SLAIN2: variants seen among roughly 807,000 people sequenced by gnomAD.
SLAIN2 encodes SLAIN family member 2, also known as SLAIN motif-containing protein 2.
SLAIN2 carries 31 observed loss-of-function variants against 56.6 expected under a neutral mutation model. The observed-to-expected ratio is 0.55, with a 90% confidence interval of 0.41 to 0.74. The LOEUF (loss-of-function observed/expected upper bound fraction) is 0.74, where lower values mean the gene tolerates loss of function less well. SLAIN2 is among the 30% of genes least tolerant of loss of function. SLAIN2 has a pLI of 0.00. For synonymous variants in SLAIN2, 317 were observed against 284.9 expected (o/e 1.11, Z -1.13); for missense variants, 777 against 754.2 (o/e 1.03, Z -0.35).
chr4:48,398,166 A>G (rs554819127), intron 6 of SLAIN2, among the ~76,000 whole-genome samples: 7 of 151,880 alleles, frequency 4.6e-5, no homozygotes, highest in Non-Finnish European at 1.0e-4. Flanking sequence ...CTCGCCAGCC[A>G]GCATCTGTTG....
At chr4:48,394,328 T>C (rs1199058601) in intron 6 of SLAIN2, among the ~76,000 whole-genome samples, 1 of 152,214 alleles carries the variant, frequency 6.6e-6, no homozygotes, top group Non-Finnish European at 1.5e-5. Flanking sequence ...AATAGACATA[T>C]TGGAGATTTT....
chr4:48,354,486 A>G (rs1240770438), intron 1 of SLAIN2, among the ~76,000 whole-genome samples: 2 of 151,604 alleles, frequency 1.3e-5, no homozygotes, highest in African/African-American at 4.9e-5. Context: ...TTCCCCCCTC[A>G]GGCTGAGTCT....
intron 6 of SLAIN2, among the ~76,000 whole-genome samples, chr4:48,386,294 C>T (rs775525862): frequency 1.3e-5 from 2 of 152,086 alleles, no homozygotes; most frequent in Non-Finnish European, 2.9e-5. Context: ...CCACATTTTA[C>T]AGATTAGAAA....
chr4:48,413,395 T>A (rs1716916344), intron 6 of SLAIN2, among the ~76,000 whole-genome samples: 1 of 152,192 alleles, frequency 6.6e-6, no homozygotes, highest in South Asian at 2.1e-4. Flanking sequence ...TAATTTCCCT[T>A]ATCCATGAAG....
chr4:48,400,252 A>T (rs1252433969), intron 6 of SLAIN2, among the ~76,000 whole-genome samples: 2 of 152,016 alleles, frequency 1.3e-5, no homozygotes, highest in African/African-American at 4.8e-5. Flanking sequence ...GTGTCCAGGA[A>T]TTTATCTATT....
intron 2 of SLAIN2, among the ~76,000 whole-genome samples, chr4:48,371,035 A>G (rs1306635229): frequency 1.3e-5 from 2 of 152,014 alleles, no homozygotes; most frequent in African/African-American, 4.8e-5. Context: ...AATCTGGGTC[A>G]GTTTTGACAC....
chr4:48,391,943 T>G (rs1264741038), intron 6 of SLAIN2, among the ~76,000 whole-genome samples: 1 of 152,230 alleles, frequency 6.6e-6, no homozygotes, highest in African/African-American at 2.4e-5. Flanking sequence ...GCATCTTTGC[T>G]TCTCACAGTA....
intron 6 of SLAIN2, among the ~76,000 whole-genome samples, chr4:48,407,026 A>G (rs1278912853): frequency 6.6e-6 from 1 of 152,094 alleles, no homozygotes; most frequent in Non-Finnish European, 1.5e-5. Flanking sequence ...CTTTCATTAT[A>G]GAGTAGCAAA....
At chr4:48,381,333 G>A (rs1328648401) in intron 4 of SLAIN2, among the ~76,000 whole-genome samples, 1 of 151,972 alleles carries the variant, frequency 6.6e-6, no homozygotes, top group African/African-American at 2.4e-5. Context: ...AAATATATGT[G>A]ATACTTCTTG....
chr4:48,382,880 T>G lies in SLAIN2; in HGVS notation c.1175T>G (p.Leu392Arg). 1 of 1,613,200 alleles carries G rather than the reference T, an allele frequency of 6.2e-7. No homozygotes were observed. ...CGCTTACAGCAACCTCGCCTTTCAC[T>G]TCAAGGCCATCCCACAGATTTACAG... is the stretch of plus-strand genomic sequence containing the variant. ...ISRLQQPRLS[L>R]QGHPTDLQTS... is the part of the protein sequence containing the mutation. Residue 392 changes from leucine (L) to arginine (R), a missense_variant, in exon 5 of 8, where the codon CTT (leucine) becomes CGT (arginine). By Grantham distance (102) the Leu-to-Arg change is moderately radical (BLOSUM62 -2). Transcript: ENST00000264313.
chr4:48,341,840 G>T lies in SLAIN2; in HGVS notation c.101G>T (p.Arg34Leu). 1 of 1,526,138 alleles carries T rather than the reference G, an allele frequency of 6.6e-7. No individual in the cohort carries two copies. Among genetic ancestry groups the T allele is most frequent in the South Asian group, 1.2e-5 (1 of 81,892 alleles). The allele number at this position is 1,526,138 out of a possible 1,614,324, so 94.5% of individuals were successfully genotyped here. A position where few individuals can be genotyped will look rare whatever the true frequency, so the allele number is the denominator to read the frequency against. ...AAGCAGAACGAACAGCTGAGGAGCC[G>T]CTCGGGGGCCGTGCAGGGCGCCGGC... Reference protein sequence around the residue: ...LEKQNEQLRSRSGAVQGAGSL... With the variant: ...LEKQNEQLRSLSGAVQGAGSL... The change falls in exon 1 of 8, where the codon CGC (arginine) becomes CTC (leucine). Residue 34 changes from arginine to leucine, a missense_variant. Physicochemically the swap from Arg to Leu is moderately radical, Grantham distance 102. Coordinates refer to ENST00000264313, the MANE Select transcript of SLAIN2 (RefSeq NM_020846.2).
intron 1 of SLAIN2, among the ~76,000 whole-genome samples, chr4:48,368,825 G>A (rs932327705): frequency 1.3e-5 from 2 of 152,094 alleles, no homozygotes; most frequent in African/African-American, 4.8e-5. Context: ...ACTAAATAAT[G>A]CATATGAGAG....
chr4:48,365,719 A>G (rs1482894579), intron 1 of SLAIN2, among the ~76,000 whole-genome samples: 2 of 151,472 alleles, frequency 1.3e-5, no homozygotes, highest in South Asian at 2.1e-4. Flanking sequence ...CTGCCACCAC[A>G]CTCCGCTAAT....
intron 6 of SLAIN2, among the ~76,000 whole-genome samples, chr4:48,393,035 A>G (rs1251474449): frequency 6.6e-6 from 1 of 151,962 alleles, no homozygotes; most frequent in Non-Finnish European, 1.5e-5. Context: ...TATGTAGATG[A>G]AAAATACTCT....
chr4:48,395,176 C>T (rs1161419480), intron 6 of SLAIN2, among the ~76,000 whole-genome samples: 1 of 152,080 alleles, frequency 6.6e-6, no homozygotes, highest in Non-Finnish European at 1.5e-5. Flanking sequence ...GACATCAAAG[C>T]TGTCCAATAT....
chr4:48,377,284 G>T (rs1715844560), intron 2 of SLAIN2, among the ~76,000 whole-genome samples: 1 of 151,220 alleles, frequency 6.6e-6, no homozygotes, highest in African/African-American at 2.4e-5. Flanking sequence ...CCGGGTTCAA[G>T]TGATTTTCCT....
chr4:48,388,872 A>G (rs909033791), intron 6 of SLAIN2, among the ~76,000 whole-genome samples: 8 of 152,324 alleles, frequency 5.3e-5, no homozygotes, highest in African/African-American at 1.9e-4. Flanking sequence ...ACAAAAGAAT[A>G]TTTTTGCATG....
At chr4:48,414,806 G>T (rs1274164599) in intron 6 of SLAIN2, among the ~76,000 whole-genome samples, 2 of 70,804 alleles carry the variant, frequency 2.8e-5, no homozygotes, top group East Asian at 7.7e-4. Flanking sequence ...AGAATATGCG[G>T]TGTTTGGTTT....
chr4:48,386,540 A>AG (rs1189013058), intron 6 of SLAIN2, among the ~76,000 whole-genome samples: 1 of 152,214 alleles, frequency 6.6e-6, no homozygotes, highest in Admixed American at 6.5e-5. Flanking sequence ...GCACTGTAGA[A>AG]AATTGGTACC....
Sources: gnomAD v4.1 joint callset for allele counts (sites outside exome capture counted in the v4.1 genomes callset) on GRCh38, gnomAD v4.1.1 for gene constraint, MANE v1.5 for transcripts, NCBI Gene and HGNC (gene_info 2026-07-23, HGNC 2026-07-21) for gene names.